TNPO3: variants seen among roughly 807,000 people sequenced by gnomAD.
TNPO3 encodes transportin-3.
In TNPO3, 65 loss-of-function variants were observed where a neutral mutation model predicts 122.8. The observed-to-expected ratio is 0.53, with a 90% confidence interval of 0.43 to 0.65. The LOEUF (loss-of-function observed/expected upper bound fraction) is 0.65, where lower values mean the gene tolerates loss of function less well. Among genes scored for constraint, TNPO3 ranks in the 30% least tolerant of loss-of-function variants. TNPO3 has a pLI of 0.00. For missense variants in TNPO3, 850 were observed against 1,136.7 expected (o/e 0.75, Z 3.63); for synonymous variants, 372 against 411.2 (o/e 0.90, Z 1.15).
chr7:128,999,478 A>C (rs1225307308), intron 7 of TNPO3, among the ~76,000 whole-genome samples: 1 of 152,218 alleles, frequency 6.6e-6, no homozygotes, highest in African/African-American at 2.4e-5. Context: ...GTATGTGATA[A>C]CAGAAAACAG....
At chr7:128,976,470 C>T (rs774393176) in intron 16 of TNPO3, among the ~76,000 whole-genome samples, 52 of 151,998 alleles carry the variant, frequency 3.4e-4, no homozygotes, top group Non-Finnish European at 6.3e-4. Context: ...ACACAATATG[C>T]ACATTATTAT....
chr7:128,998,201 A>G (rs1334271730), intron 7 of TNPO3, among the ~76,000 whole-genome samples: 3 of 151,964 alleles, frequency 2.0e-5, no homozygotes, highest in Non-Finnish European at 4.4e-5. Flanking sequence ...CTAAAAAAAT[A>G]CAAAAATTAG....
intron 1 of TNPO3, among the ~76,000 whole-genome samples, chr7:129,020,882 A>G (rs1217393947): frequency 1.3e-5 from 2 of 152,232 alleles, no homozygotes; most frequent in African/African-American, 2.4e-5. Context: ...ACCCCAAAAT[A>G]TAAGTGGAAG....
At chr7:128,996,464 C>A (rs886132506) in intron 8 of TNPO3, among the ~76,000 whole-genome samples, 11 of 151,948 alleles carry the variant, frequency 7.2e-5, no homozygotes, top group African/African-American at 4.8e-5. Flanking sequence ...AAAATTTTGG[C>A]CAGGGGCGGT....
chr7:129,022,695 T>C (rs28626133), intron 1 of TNPO3, among the ~76,000 whole-genome samples: 2,074 of 152,270 alleles, frequency 0.014, 35 homozygotes, highest in African/African-American at 0.047. Context: ...TCATCTACTG[T>C]GACTTGAACA....
At chr7:129,033,460 A>G (rs1806185276) in intron 1 of TNPO3, among the ~76,000 whole-genome samples, 1 of 152,226 alleles carries the variant, frequency 6.6e-6, no homozygotes, top group South Asian at 2.1e-4. Context: ...AATATGTGTT[A>G]TCAAGAATGT....
At chr7:128,987,214 C>CAT (rs1022617641) in intron 11 of TNPO3, among the ~76,000 whole-genome samples, 3 of 152,080 alleles carry the variant, frequency 2.0e-5, no homozygotes, top group African/African-American at 7.2e-5. Context: ...GACTTAAGAG[C>CAT]ATATATGGCA....
intron 8 of TNPO3, among the ~76,000 whole-genome samples, chr7:128,994,916 C>A (rs1358045743): frequency 6.6e-6 from 1 of 152,198 alleles, no homozygotes; most frequent in Non-Finnish European, 1.5e-5. Context: ...CCTTGCCCTC[C>A]CAAAGTTCCG....
chr7:129,054,411 A>G (rs1234317273), intron 1 of TNPO3, among the ~76,000 whole-genome samples: 1 of 152,230 alleles, frequency 6.6e-6, no homozygotes, highest in African/African-American at 2.4e-5. Flanking sequence ...ACAATCGAAG[A>G]GTATAAGACC....
chr7:129,033,693 A>T (rs1480704004), intron 1 of TNPO3, among the ~76,000 whole-genome samples: 1 of 152,038 alleles, frequency 6.6e-6, no homozygotes, highest in Non-Finnish European at 1.5e-5. Context: ...GCGGGTGATC[A>T]CTTGAGGCCA....
rs886043575 is a variant in TNPO3, at chr7:129,001,129, G to T, written c.802C>A (p.Gln268Lys). The T allele has an allele frequency of 5.0e-6, 8 of 1,614,138 alleles. No individual in the cohort carries two copies. Among genetic ancestry groups the T allele is most frequent in the Non-Finnish European group, 6.8e-6 (8 of 1,180,012 alleles). The change falls in exon 6 of 23, where the codon CAA becomes AAA. Residue 268 changes from glutamine (Q) to lysine (K), a missense_variant. Transcript: ENST00000265388. ...NVETNLPLAM[Q>K]LFQGVLTLET... ...AATGTCAGCACTCCCTGAAAAAGTT[G>T]CATGGCTAATGGCAAGTTAGTCTCC... is the stretch of plus-strand genomic sequence containing the variant.
At chr7:128,979,309 A>G (rs1183765620) in intron 15 of TNPO3, among the ~76,000 whole-genome samples, 186 bp from the exon 16 acceptor site, 1 of 152,264 alleles carries the variant, frequency 6.6e-6, no homozygotes, top group Non-Finnish European at 1.5e-5. Context: ...TCACTTAACA[A>G]GAGAAAACAG....
Position 128,955,063 on chromosome 7 carries a change from A to C in TNPO3, c.*354T>G. 9.4e-6 allele frequency: 3 copies of C among 318,576 alleles called. No individual in the cohort carries two copies. The highest frequency in any genetic ancestry group is 7.3e-5 in the South Asian group (3 of 40,854). The allele number at this position is 318,576 out of a possible 1,614,324, so 19.7% of individuals were successfully genotyped here. The stretch of plus-strand genomic sequence containing the variant: ...TCATTTGCTACCAGGTGAATGTTTC[A>C]GTTCTGGTTTCTGTTTAGTCTTCCT... On this transcript the variant is annotated 3_prime_UTR_variant, in exon 23 of 23. Coordinates refer to ENST00000265388, the MANE Select transcript of TNPO3 (RefSeq NM_012470.4).
chr7:129,050,044 C>T (rs1279589102), intron 1 of TNPO3, among the ~76,000 whole-genome samples: 6 of 151,976 alleles, frequency 3.9e-5, no homozygotes, highest in Non-Finnish European at 8.8e-5. Flanking sequence ...GGCAATATAG[C>T]GAGACCCCAA....
In TNPO3 at chr7:129,009,659, AC is replaced by A. The variant is rs1259662120; in HGVS notation, c.553-4501del. ...TGTGGCAGTAACCATGACACAAAAT[AC>A]ATGTGGATGGGATTATTTTAAATTC... On this transcript the variant is annotated intron_variant, in intron 4 of 22. Transcript: ENST00000265388. Among the ~76,000 whole-genome samples, 3 of 152,230 alleles carry A rather than the reference AC, an allele frequency of 2.0e-5. No individual in the cohort carries two copies. The East Asian group carries it at 5.8e-4, about 29-fold the overall frequency.
chr7:129,021,732 A>G (rs553987183), intron 1 of TNPO3, among the ~76,000 whole-genome samples: 2 of 152,328 alleles, frequency 1.3e-5, no homozygotes, highest in South Asian at 4.1e-4. Flanking sequence ...AACCTAGCCT[A>G]TTACTTCAAA....
chr7:128,967,668 GGGAT>G (rs949549389), intron 20 of TNPO3, among the ~76,000 whole-genome samples: 2 of 152,110 alleles, frequency 1.3e-5, no homozygotes, highest in Admixed American at 1.3e-4. Flanking sequence ...AAGTTTCTTC[GGGAT>G]GAGGCTATTG....
intron 8 of TNPO3, among the ~76,000 whole-genome samples, chr7:128,994,560 T>C (rs1214842139): frequency 1.3e-5 from 2 of 152,202 alleles, no homozygotes; most frequent in South Asian, 4.1e-4. Context: ...TAAGCCTATC[T>C]AGAGAAGGTC....
At chr7:128,978,405 T>A (rs1313384869) in intron 16 of TNPO3, among the ~76,000 whole-genome samples, 1 of 152,156 alleles carries the variant, frequency 6.6e-6, no homozygotes, top group Non-Finnish European at 1.5e-5. Flanking sequence ...TCCCCAAGGA[T>A]CTCAATATAA....
Sources: allele counts gnomAD v4.1 joint callset (sites outside exome capture counted in the v4.1 genomes callset), GRCh38; gene constraint gnomAD v4.1.1; transcripts MANE v1.5; gene names NCBI Gene and HGNC (gene_info 2026-07-23, HGNC 2026-07-21).